ESR1: variants seen among roughly 807,000 people sequenced by gnomAD.
ESR1 encodes estrogen receptor 1.
ESR1 carries 12 observed loss-of-function variants against 52.7 expected under a neutral mutation model. The ratio of observed to expected loss-of-function variants is 0.23; its 90% CI spans 0.15 to 0.37. The LOEUF is 0.37. Among genes scored for constraint, ESR1 ranks in the 10% least tolerant of loss-of-function variants. The pLI is 1.00. For missense variants in ESR1, 584 were observed against 779.7 expected (o/e 0.75, Z 2.99); for synonymous variants, 305 against 316.8 (o/e 0.96, Z 0.39).
intron 3 of ESR1, among the ~76,000 whole-genome samples, chr6:151,916,850 C>A (rs1156822414): frequency 6.6e-6 from 1 of 152,156 alleles, no homozygotes; most frequent in Admixed American, 6.5e-5. Flanking sequence ...TCAGAGATGT[C>A]TAATATATTT....
rs9479212 is a variant in ESR1 at position 152,080,758 on chromosome 6, C to T, written c.1370-13627C>T. Among the ~76,000 whole-genome samples, 596 of 151,864 alleles carry T rather than the reference C, an allele frequency of 3.9e-3. 9 individuals are homozygous for T. The highest frequency in any genetic ancestry group is 0.013 in the African/African-American group (551 of 41,398). ...TGCTGTATTCAGGAGACCCATCTCA[C>T]GTGCAAAAATGCACATAGGCTCAAA... is the stretch of plus-strand genomic sequence containing the variant. On this transcript the variant is annotated intron_variant, in intron 6 of 7. Coordinates refer to ENST00000206249, the MANE Select transcript of ESR1 (RefSeq NM_000125.4).
chr6:151,706,721 C>G (rs895341462), intron 2 of ESR1, among the ~76,000 whole-genome samples: 3 of 152,182 alleles, frequency 2.0e-5, no homozygotes, highest in Non-Finnish European at 4.4e-5. Flanking sequence ...GGAGAAACCA[C>G]AGAACACATG....
chr6:152,027,581 A>C (rs2044262470), intron 5 of ESR1, among the ~76,000 whole-genome samples: 1 of 150,148 alleles, frequency 6.7e-6, no homozygotes, highest in South Asian at 2.1e-4. Flanking sequence ...TTTTTTCTCA[A>C]GTATTTTTAA....
intron 2 of ESR1, among the ~76,000 whole-genome samples, chr6:151,703,981 T>C (rs1306423374): frequency 6.6e-6 from 1 of 152,204 alleles, no homozygotes; most frequent in African/African-American, 2.4e-5. Flanking sequence ...ACCAGAATAA[T>C]TCTCCTCCAT....
intron 2 of ESR1, among the ~76,000 whole-genome samples, chr6:151,738,266 T>C (rs149351746): frequency 5.9e-5 from 9 of 152,322 alleles, no homozygotes; most frequent in Non-Finnish European, 1.2e-4. Context: ...TGTCTCTTTG[T>C]TTACTTAGAT....
rs1284645906 is a variant in ESR1, at chr6:152,102,623, T to C, written c.*3657T>C. 1 of 221,036 alleles carries C rather than the reference T, an allele frequency of 4.5e-6. No individual in the cohort carries two copies. Among genetic ancestry groups the C allele is most frequent in the Non-Finnish European group, 9.1e-6 (1 of 110,326 alleles). 13.7% of individuals were successfully genotyped at this position (221,036 alleles called of 1,614,324 possible). A position where few individuals can be genotyped will look rare whatever the true frequency, so the allele number is the denominator to read the frequency against. ...ATCTTTTCAGTAGCGTTAATTATGC[T>C]CTGTTTCCAACTGCATTTCCTTTCC... is the stretch of plus-strand genomic sequence containing the variant. On this transcript the variant is annotated 3_prime_UTR_variant, in exon 8 of 8. Transcript: ENST00000206249.
intron 3 of ESR1, among the ~76,000 whole-genome samples, chr6:151,899,043 C>T (rs1418943422): frequency 4.7e-5 from 7 of 147,718 alleles, no homozygotes; most frequent in Admixed American, 3.3e-4. Flanking sequence ...ACCCCCACCT[C>T]CCTCCCGGAC....
intron 4 of ESR1, among the ~76,000 whole-genome samples, chr6:151,969,401 T>C (rs2038661990): frequency 6.6e-6 from 1 of 152,212 alleles, no homozygotes; most frequent in African/African-American, 2.4e-5. Context: ...TGGAGTTCTA[T>C]ATTCCATTTT....
chr6:152,073,355 T>C (rs1286340445), intron 6 of ESR1, among the ~76,000 whole-genome samples: 1 of 152,174 alleles, frequency 6.6e-6, no homozygotes, highest in East Asian at 1.9e-4. Flanking sequence ...AGCATTTTCC[T>C]CCACCAAATT....
chr6:151,783,883 A>G (rs976741932), intron 2 of ESR1, among the ~76,000 whole-genome samples: 3 of 152,086 alleles, frequency 2.0e-5, no homozygotes, highest in African/African-American at 7.2e-5. Flanking sequence ...GACAGTTTTG[A>G]GGAATACTGG....
intron 6 of ESR1, among the ~76,000 whole-genome samples, chr6:152,108,963 G>T (rs1399994880): frequency 5.3e-5 from 8 of 152,224 alleles, no homozygotes; most frequent in Admixed American, 5.2e-4. Context: ...AGGCATGGCA[G>T]CATCTGCTCA....
intron 1 of ESR1, among the ~76,000 whole-genome samples, chr6:151,832,234 T>C (rs1465169338): frequency 1.3e-5 from 2 of 152,264 alleles, no homozygotes; most frequent in East Asian, 3.9e-4. Context: ...CCCCAGAACA[T>C]AGCTACCACA....
chr6:151,851,112 C>T (rs903806155), intron 2 of ESR1, among the ~76,000 whole-genome samples: 10 of 152,176 alleles, frequency 6.6e-5, no homozygotes, highest in African/African-American at 2.4e-4. Flanking sequence ...GCCTATCTTT[C>T]TAGTCATTTT....
intron 5 of ESR1, among the ~76,000 whole-genome samples, chr6:152,031,274 G>A (rs2044675479): frequency 6.6e-6 from 1 of 152,096 alleles, no homozygotes; most frequent in Admixed American, 6.5e-5. Flanking sequence ...CAGAAGACAA[G>A]AAATAACTAA....
At chr6:151,684,854 T>C (rs1474586671) in intron 1 of ESR1, among the ~76,000 whole-genome samples, 1 of 152,124 alleles carries the variant, frequency 6.6e-6, no homozygotes, top group Non-Finnish European at 1.5e-5. Flanking sequence ...AAGGCACCCA[T>C]AGGCAGGACC....
chr6:151,997,320 A>G (rs768538653), intron 4 of ESR1, among the ~76,000 whole-genome samples: 1 of 152,174 alleles, frequency 6.6e-6, no homozygotes, highest in Non-Finnish European at 1.5e-5. Flanking sequence ...AAAAGATCCT[A>G]TAGTAGATCC....
chr6:152,079,586 C>T (rs916962587), intron 6 of ESR1, among the ~76,000 whole-genome samples: 6 of 152,138 alleles, frequency 3.9e-5, no homozygotes, highest in African/African-American at 1.4e-4. Context: ...CTCTTCTGCT[C>T]CAAAGGATTG....
At chr6:152,087,368 C>T (rs1054064456) in intron 6 of ESR1, among the ~76,000 whole-genome samples, 9 of 152,150 alleles carry the variant, frequency 5.9e-5, no homozygotes, top group Admixed American at 2.0e-4. Flanking sequence ...TTTATACAAA[C>T]GTATTCACTT....
intron 3 of ESR1, among the ~76,000 whole-genome samples, chr6:151,887,250 G>T (rs1304424266): frequency 6.6e-6 from 1 of 151,906 alleles, no homozygotes; most frequent in East Asian, 1.9e-4. Context: ...TTAAAGAAAA[G>T]CTAGCTGCTC....
Sources: allele counts gnomAD v4.1 joint callset (sites outside exome capture counted in the v4.1 genomes callset), GRCh38; gene constraint gnomAD v4.1.1; transcripts MANE v1.5; gene names NCBI Gene and HGNC (gene_info 2026-07-23, HGNC 2026-07-21).